SIRPA: variants seen among roughly 807,000 people sequenced by gnomAD.
The protein encoded by SIRPA is signal regulatory protein alpha.
In SIRPA, 9 loss-of-function variants were observed where a neutral mutation model predicts 50.3. The ratio of observed to expected loss-of-function variants is 0.18; its 90% CI spans 0.11 to 0.31. The LOEUF (loss-of-function observed/expected upper bound fraction) is 0.31, where lower values mean the gene tolerates loss of function less well. Ranked by LOEUF, SIRPA falls within the 10% of genes least tolerant of loss-of-function variation. The pLI is 1.00. For synonymous variants in SIRPA, 265 were observed against 284.1 expected, an observed-to-expected ratio of 0.93 and a Z score of 0.68; for missense variants, 474 against 661.6, an observed-to-expected ratio of 0.72 and a Z score of 3.11.
rs532846919 is a variant in SIRPA, at chr20:1,909,443, G to A, written c.80-5656G>A. Among the ~76,000 whole-genome samples, 8 of 152,280 alleles carry A rather than the reference G, an allele frequency of 5.3e-5. No individual in the cohort carries two copies. The East Asian group carries it at 9.7e-4, about 18-fold the overall frequency. On this transcript the variant is annotated intron_variant, in intron 1 of 7. Coordinates refer to ENST00000358771, the MANE Select transcript of SIRPA (RefSeq NM_001040023.2). ...GGGTAAGGCAGCCCTCCCCATCCCC[G>A]CCTCAAGCTTCAGTTCTAAGTTGAT... is the stretch of plus-strand genomic sequence containing the variant.
chr20:1,921,549 C>A lies in SIRPA; in HGVS notation c.591C>A (p.Asn197Lys), dbSNP rs367635507. Reference sequence around the variant, plus strand: ...ATGAGCTCTCAGACTTCCAGACCAACGTGGACCCCGTAGGAGAGAGCGTGT... The same window carrying A: ...ATGAGCTCTCAGACTTCCAGACCAAAGTGGACCCCGTAGGAGAGAGCGTGT... ...NGNELSDFQT[N>K]VDPVGESVSY... is the part of the protein sequence containing the mutation. Residue 197 changes from asparagine to lysine, a missense_variant, in exon 3 of 8, where the codon AAC (asparagine) becomes AAA (lysine). Asn to Lys is a moderately conservative substitution (Grantham distance 94). Coordinates refer to ENST00000358771, the MANE Select transcript of SIRPA (RefSeq NM_001040023.2). 3 of 1,614,102 alleles carry A rather than the reference C, an allele frequency of 1.9e-6. No homozygotes were observed. In the East Asian group the frequency reaches 6.7e-5, roughly 36 times the overall value.
chr20:1,926,170 G>A (rs1457013159), intron 5 of SIRPA, among the ~76,000 whole-genome samples: 4 of 152,198 alleles, frequency 2.6e-5, no homozygotes, highest in Non-Finnish European at 5.9e-5. Flanking sequence ...CAAGCCTGAT[G>A]CTTCTGTCTG....
In SIRPA at chr20:1,911,051, C is replaced by G. The variant is rs1392232133; in HGVS notation, c.80-4048C>G. Among the ~76,000 whole-genome samples, 6 of 152,122 alleles carry G rather than the reference C, an allele frequency of 3.9e-5. No homozygotes were observed. In the South Asian group the frequency reaches 1.0e-3, roughly 26 times the overall value. On this transcript the variant is annotated intron_variant, in intron 1 of 7. Transcript: ENST00000358771. ...CTAAAATTGGGAGTTTGGGATCACA[C>G]TGGATCTACTACTTGGTAACAGACT...
rs752221790 is a variant in SIRPA at position 1,898,720 on chromosome 20, T to A, written c.79+3194T>A. Among the ~76,000 whole-genome samples, 11 of 152,034 alleles carry A rather than the reference T, an allele frequency of 7.2e-5. No individual in the cohort carries two copies. The highest frequency in any genetic ancestry group is 1.5e-4 in the Non-Finnish European group (10 of 68,010). On this transcript the variant is annotated intron_variant, in intron 1 of 7. Coordinates refer to ENST00000358771, the MANE Select transcript of SIRPA (RefSeq NM_001040023.2). This position sits in a 1 kb window ranked among gnomAD's most constrained non-coding sequence, Gnocchi z 4.3. ...AGAGGGAGTGAGAGAGGCCCCTTTC[T>A]GGCCTTGGGTGGAGGACTGTAGAAG...
rs781642415 is a variant in SIRPA at position 1,921,438 on chromosome 20, C to T, written c.480C>T (p.Ala160=). 7 of 1,613,730 alleles carry T rather than the reference C, an allele frequency of 4.3e-6. No homozygotes were observed. Among genetic ancestry groups the T allele is most frequent in the South Asian group, 1.1e-5 (1 of 91,070 alleles). ...APVVSGPAAR[A]TPQHTVSFTC... is the part of the protein sequence containing the mutation. ...TGGTATCGGGCCCTGCGGCGAGGGC[C>T]ACACCTCAGCACACAGTGAGCTTCA... The change falls in exon 3 of 8, where the codon GCC becomes GCT. Residue 160 remains alanine, a synonymous_variant. Coordinates refer to ENST00000358771, the MANE Select transcript of SIRPA (RefSeq NM_001040023.2).
chr20:1,914,213 C>A (rs1985081624), intron 1 of SIRPA, among the ~76,000 whole-genome samples: 1 of 152,194 alleles, frequency 6.6e-6, no homozygotes, highest in African/African-American at 2.4e-5. Context: ...AAGCAGAGGC[C>A]TGGGGGCTGT....
chr20:1,911,977 A>G (rs1309566269), intron 1 of SIRPA, among the ~76,000 whole-genome samples: 3 of 152,196 alleles, frequency 2.0e-5, no homozygotes, highest in Admixed American at 2.0e-4. Flanking sequence ...CTCTACTGGA[A>G]AAAACATACA....
At position 1,913,882 on chromosome 20, in the gene SIRPA, G is replaced by A. The variant is rs563164950; in HGVS notation, c.80-1217G>A. ...CCCTCTTCCTGTCTGGGCTCCCCCC[G>A]TGCACCCCAATCTCTCCACCCAGGG... On this transcript the variant is annotated intron_variant, in intron 1 of 7. Coordinates refer to ENST00000358771, the MANE Select transcript of SIRPA (RefSeq NM_001040023.2). Among the ~76,000 whole-genome samples the A allele has an allele frequency of 3.9e-5, 6 of 152,120 alleles. No individual in the cohort carries two copies. The South Asian group carries it at 6.2e-4, about 16-fold the overall frequency.
chr20:1,895,312 C>T, upstream of SIRPA: 1 of 520,688 alleles, frequency 1.9e-6, no homozygotes. Context: ...GCTCCAGGCG[C>T]CCGTTCCGGA....
Position 1,936,983 on chromosome 20 carries a change from G to A in SIRPA, c.1267-337G>A, listed in dbSNP as rs1033722825. Among the ~76,000 whole-genome samples, 4 of 152,130 alleles carry A rather than the reference G, an allele frequency of 2.6e-5. No individual in the cohort carries two copies. The highest frequency in any genetic ancestry group is 1.9e-4 in the East Asian group (1 of 5,174). ...AAGGAGAAGCAGGACAGACACCCTC[G>A]AGGGATGAACATGAGAAATGGGTGA... On this transcript the variant is annotated intron_variant, in intron 7 of 7. Transcript: ENST00000358771. The surrounding 1 kb of genome is among the most constrained non-coding windows in gnomAD (Gnocchi z 4.2).
At chr20:1,917,983 T>C (rs573465441) in intron 2 of SIRPA, among the ~76,000 whole-genome samples, 33 of 152,124 alleles carry the variant, frequency 2.2e-4, no homozygotes, top group African/African-American at 8.0e-4. Flanking sequence ...GCTCAATTGA[T>C]TGACATGAGA....
At chr20:1,895,593 A>G (rs1302824579) in intron 1 of SIRPA, 67 bp downstream of exon 1, 13 of 1,213,904 alleles carry the variant, frequency 1.1e-5, no homozygotes, top group Admixed American at 8.1e-5. Context: ...TCAGACTGGC[A>G]CTGGGACCCC....
chr20:1,909,152 T>C (rs1984730940), intron 1 of SIRPA, among the ~76,000 whole-genome samples: 1 of 152,238 alleles, frequency 6.6e-6, no homozygotes, highest in African/African-American at 2.4e-5. Context: ...TGTTGAGCCC[T>C]GTGTACTGCC....
At chr20:1,910,116 T>G (rs1212897566) in intron 1 of SIRPA, among the ~76,000 whole-genome samples, 1 of 152,174 alleles carries the variant, frequency 6.6e-6, no homozygotes, top group African/African-American at 2.4e-5. Flanking sequence ...ATCATTTGAG[T>G]GATTTCTTTG....
At chr20:1,900,237 A>T (rs1282010902) in intron 1 of SIRPA, among the ~76,000 whole-genome samples, 1 of 151,500 alleles carries the variant, frequency 6.6e-6, no homozygotes, top group Non-Finnish European at 1.5e-5. Flanking sequence ...AGTAGCTGGG[A>T]TTACAGGGAT....
upstream of SIRPA, chr20:1,894,783 C>G (rs1045614532): frequency 1.4e-5 from 2 of 147,804 alleles, no homozygotes; most frequent in African/African-American, 4.9e-5. This position sits in a 1 kb window ranked among gnomAD's most constrained non-coding sequence, Gnocchi z 4.0. Flanking sequence ...GGCGGGCGCT[C>G]GCTCGCAGAG....
rs542044725 is a variant in SIRPA, at chr20:1,928,539, G to A, written c.1226+640G>A. On this transcript the variant is annotated intron_variant, in intron 6 of 7. Coordinates refer to ENST00000358771, the MANE Select transcript of SIRPA (RefSeq NM_001040023.2). The surrounding 1 kb of genome is among the most constrained non-coding windows in gnomAD (Gnocchi z 4.9). ...CAGGCTTTCATGGGGCTCAGACGCC[G>A]GTGAGAGAAACAGGCATAAACGCAG... 1.2e-4 allele frequency among the ~76,000 whole-genome samples: 18 copies of A among 152,308 alleles called. No homozygotes were observed. Among genetic ancestry groups the A allele is most frequent in the Admixed American group, 3.9e-4 (6 of 15,306 alleles).
At chr20:1,894,698 G>A (rs1983649575), upstream of SIRPA, 2 of 148,866 alleles carry the variant, frequency 1.3e-5, no homozygotes, top group South Asian at 2.1e-4. This position sits in a 1 kb window ranked among gnomAD's most constrained non-coding sequence, Gnocchi z 4.0. Flanking sequence ...CCCGGGCGCC[G>A]GCGCGGGGGA....
intron 1 of SIRPA, among the ~76,000 whole-genome samples, chr20:1,901,243 T>C (rs1984189780): frequency 1.5e-5 from 2 of 136,542 alleles, no homozygotes; most frequent in Admixed American, 1.7e-4. Flanking sequence ...CGACCTCGGC[T>C]CACTGCAGCC....
Sources: gnomAD v4.1 joint callset for allele counts (sites outside exome capture counted in the v4.1 genomes callset) on GRCh38, gnomAD v4.1.1 for gene constraint, Gnocchi (gnomAD v3.1) non-coding constraint, MANE v1.5 for transcripts, NCBI Gene and HGNC (gene_info 2026-07-23, HGNC 2026-07-21) for gene names.